FSTL5: variants seen among roughly 807,000 people sequenced by gnomAD.
FSTL5 encodes follistatin-related protein 5.
A neutral mutation model predicts 89.1 loss-of-function variants in FSTL5; 62 were observed. The observed-to-expected ratio is 0.70, with a 90% CI of 0.57 to 0.86. The LOEUF (loss-of-function observed/expected upper bound fraction) is 0.86, where lower values mean the gene tolerates loss of function less well. Among genes scored for constraint, FSTL5 ranks in the 40% least tolerant of loss-of-function variants. The probability of loss-of-function intolerance (pLI) is 0.00; values close to 1 mark genes in which losing one functional copy is unlikely to be tolerated. For missense variants in FSTL5, 1,057 were observed against 1,001.6 expected, an observed-to-expected ratio of 1.06 and a Z score of -0.75; for synonymous variants, 383 against 346.2, an observed-to-expected ratio of 1.11 and a Z score of -1.18.
rs765491456 is a variant in FSTL5 at position 161,500,551 on chromosome 4, CAGG to C, written c.1340-420_1340-418del. On this transcript the variant is annotated intron_variant, in intron 11 of 15. Coordinates refer to ENST00000306100, the MANE Select transcript of FSTL5 (RefSeq NM_020116.5). ...CACTAGGAAAAGTTTAATTTCTTTG[CAGG>C]AGTTTGGTTTATATAAAGATTTTTA... 5.4e-4 allele frequency among the ~76,000 whole-genome samples: 82 copies of C among 151,938 alleles called. 2 individuals are homozygous for C. Among genetic ancestry groups the C allele is most frequent in the Non-Finnish European group, 8.8e-5 (6 of 67,942 alleles).
At chr4:161,858,122 C>T (rs768321239) in intron 4 of FSTL5, among the ~76,000 whole-genome samples, 52 of 152,170 alleles carry the variant, frequency 3.4e-4, no homozygotes, top group Non-Finnish European at 5.3e-4. Flanking sequence ...GATGAGGGCC[C>T]TTATATTAAT....
chr4:162,021,135 C>T (rs1181032610), intron 3 of FSTL5, among the ~76,000 whole-genome samples: 1 of 151,948 alleles, frequency 6.6e-6, no homozygotes, highest in African/African-American at 2.4e-5. Flanking sequence ...CCTATTTATT[C>T]AAATGTTGAG....
chr4:161,568,038 C>T (rs138514471), intron 8 of FSTL5, among the ~76,000 whole-genome samples: 2 of 151,526 alleles, frequency 1.3e-5, no homozygotes, highest in Non-Finnish European at 1.5e-5. Flanking sequence ...CTTGGCAATA[C>T]GAGATCAGCA....
chr4:161,464,023 A>T (rs1260058032), intron 13 of FSTL5, among the ~76,000 whole-genome samples: 1 of 152,166 alleles, frequency 6.6e-6, no homozygotes, highest in Non-Finnish European at 1.5e-5. Context: ...GCATCAGGCA[A>T]GTCATGACAG....
chr4:161,459,348 T>C (rs747165255), intron 13 of FSTL5, 29 bp from the exon 14 acceptor site: 3 of 1,429,980 alleles, frequency 2.1e-6, no homozygotes, highest in Non-Finnish European at 3.0e-6. Context: ...GAAAAAAATG[T>C]TTTAGACTAA....
At chr4:162,095,481 T>C (rs1178461698) in intron 2 of FSTL5, among the ~76,000 whole-genome samples, 3 of 152,186 alleles carry the variant, frequency 2.0e-5, no homozygotes, top group Admixed American at 2.0e-4. Context: ...GAAATAATGT[T>C]CTCTGGAGCA....
chr4:161,515,496 A>C (rs1051200325), intron 10 of FSTL5, among the ~76,000 whole-genome samples: 1 of 151,704 alleles, frequency 6.6e-6, no homozygotes, highest in African/African-American at 2.4e-5. Context: ...CATATAATGC[A>C]TTTTTTCATG....
chr4:161,808,770 ATATG>A (rs1730050169), intron 4 of FSTL5, among the ~76,000 whole-genome samples: 1 of 152,234 alleles, frequency 6.6e-6, no homozygotes, highest in Admixed American at 6.5e-5. Flanking sequence ...AATATCCAAA[ATATG>A]TATGGATGCC....
At position 162,063,805 on chromosome 4, in the gene FSTL5, C is replaced by T. The variant is rs116689895; in HGVS notation, c.127-30147G>A. Among the ~76,000 whole-genome samples, 1,052 of 151,948 alleles carry T rather than the reference C, an allele frequency of 6.9e-3. 12 individuals are homozygous for T. The highest frequency in any genetic ancestry group is 0.024 in the African/African-American group (994 of 41,502). On this transcript the variant is annotated intron_variant, in intron 2 of 15. Transcript: ENST00000306100. ...ATTTCCCTTGAATTAATAATGGTCT[C>T]CATCTCCTAATACTTTTCTAGCAAG...
chr4:161,892,416 A>G (rs1560902721), intron 4 of FSTL5, among the ~76,000 whole-genome samples: 1 of 152,050 alleles, frequency 6.6e-6, no homozygotes, highest in Non-Finnish European at 1.5e-5. Flanking sequence ...ACAGAGAAAA[A>G]GTTAGTTAAT....
intron 3 of FSTL5, among the ~76,000 whole-genome samples, chr4:161,937,630 A>G (rs894112051): frequency 6.6e-6 from 1 of 152,212 alleles, no homozygotes; most frequent in African/African-American, 2.4e-5. Flanking sequence ...AAAGCAGTAT[A>G]CAATTCTGGG....
intron 11 of FSTL5, among the ~76,000 whole-genome samples, chr4:161,507,646 A>T (rs985848131): frequency 1.3e-5 from 2 of 151,594 alleles, no homozygotes; most frequent in East Asian, 1.9e-4. Flanking sequence ...TTTAAAGATG[A>T]GTAGAAAGCT....
chr4:162,080,925 A>T (rs1730067051), intron 2 of FSTL5, among the ~76,000 whole-genome samples: 1 of 151,666 alleles, frequency 6.6e-6, no homozygotes, highest in Non-Finnish European at 1.5e-5. Context: ...ATTGCTGTGA[A>T]CTAAGCATTA....
Position 161,718,964 on chromosome 4 carries a change from A to T in FSTL5, c.727+40447T>A, listed in dbSNP as rs1240539046. 2.6e-5 allele frequency among the ~76,000 whole-genome samples: 4 copies of T among 152,264 alleles called. No individual in the cohort carries two copies. In the East Asian group the frequency reaches 5.8e-4, roughly 22 times the overall value. On this transcript the variant is annotated intron_variant, in intron 6 of 15. Transcript: ENST00000306100. ...ACAGTTCTTGCTTTAAATGGGAAGAAGAAGCCAAAACTCTTCAAAATTCTT... is the reference window on the plus strand; with the variant it reads ...ACAGTTCTTGCTTTAAATGGGAAGATGAAGCCAAAACTCTTCAAAATTCTT...
chr4:162,070,080 G>A (rs908106619), intron 2 of FSTL5, among the ~76,000 whole-genome samples: 5 of 151,524 alleles, frequency 3.3e-5, no homozygotes, highest in African/African-American at 1.2e-4. Context: ...TTCTGTCTTG[G>A]GTGAGGTAAT....
chr4:162,055,501 AATAG>A (rs1276930217), intron 2 of FSTL5, among the ~76,000 whole-genome samples: 2 of 147,126 alleles, frequency 1.4e-5, no homozygotes, highest in Non-Finnish European at 3.0e-5. Context: ...CATATATATA[AATAG>A]ATAGATGATA....
chr4:162,159,375 C>A (rs1733605460), intron 1 of FSTL5, among the ~76,000 whole-genome samples: 1 of 151,910 alleles, frequency 6.6e-6, no homozygotes, highest in African/African-American at 2.4e-5. Flanking sequence ...ATTTTTAAAT[C>A]TTTTGCTTTG....
At chr4:161,584,235 A>G (rs1408065022) in intron 8 of FSTL5, among the ~76,000 whole-genome samples, 2 of 152,160 alleles carry the variant, frequency 1.3e-5, no homozygotes, top group Non-Finnish European at 2.9e-5. Context: ...AACCAATGGT[A>G]TTATTCATTT....
Position 162,104,629 on chromosome 4 carries a change from G to C in FSTL5, c.126+6642C>G, listed in dbSNP as rs28436240. On this transcript the variant is annotated intron_variant, in intron 2 of 15. Transcript: ENST00000306100. ...AACCTGCATTGCCCTGTGGAAACTG[G>C]GCTTAACAAAACTAGCCCAAATGAT... 9.6e-3 allele frequency among the ~76,000 whole-genome samples: 1,468 copies of C among 152,204 alleles called. 26 individuals carry two copies. Among genetic ancestry groups the C allele is most frequent in the African/African-American group, 0.033 (1,352 of 41,532 alleles).
Sources: gnomAD v4.1 joint callset for allele counts (sites outside exome capture counted in the v4.1 genomes callset) on GRCh38, gnomAD v4.1.1 for gene constraint, MANE v1.5 for transcripts, NCBI Gene and HGNC (gene_info 2026-07-23, HGNC 2026-07-21) for gene names.